Variants in SFTPD observed in about 807,000 individuals in gnomAD.
The protein encoded by SFTPD is surfactant protein D.
Under a neutral mutation model 34.6 loss-of-function variants are expected in SFTPD, and 18 were observed. The ratio of observed to expected loss-of-function variants is 0.52; its 90% CI spans 0.36 to 0.77. The LOEUF (loss-of-function observed/expected upper bound fraction) is 0.77. Among genes scored for constraint, SFTPD ranks in the 30% least tolerant of loss-of-function variants. The pLI, the probability that SFTPD is intolerant of heterozygous loss-of-function variation, is 0.00. For missense variants in SFTPD, 433 were observed against 468.9 expected, an observed-to-expected ratio of 0.92 and a Z score of 0.71; for synonymous variants, 155 against 180.9, an observed-to-expected ratio of 0.86 and a Z score of 1.15.
At chr10:79,942,665 A>G in intron 3 of SFTPD, 98 bp downstream of exon 3, 1 of 994,720 alleles carries the variant, frequency 1.0e-6, no homozygotes, top group African/African-American at 1.6e-5. Context: ...CCTTCAGACA[A>G]CCTTCTTCCT....
At chr10:79,940,994 A>G (rs1393080139) in intron 6 of SFTPD, among the ~76,000 whole-genome samples, 6 of 137,700 alleles carry the variant, frequency 4.4e-5, no homozygotes, top group Non-Finnish European at 9.1e-5. Flanking sequence ...CCTGTACTTC[A>G]CTGACACTGA....
Position 79,941,953 on chromosome 10 carries a change from C to T in SFTPD, c.550+1G>A. 1 of 1,599,124 alleles carries T rather than the reference C, an allele frequency of 6.3e-7. No individual in the cohort carries two copies. Among genetic ancestry groups the T allele is most frequent in the Non-Finnish European group, 8.6e-7 (1 of 1,166,976 alleles). On this transcript the variant is annotated splice_donor_variant, in intron 5 of 7. Coordinates refer to ENST00000372292, the MANE Select transcript of SFTPD (RefSeq NM_003019.5). LOFTEE classifies it high-confidence loss of function. ...CCAGCCCAGCTCTTTCCACTGCTCACCTGCTGCCCCTGTGTTTCCAGGGAC... is the reference window on the plus strand; with the variant it reads ...CCAGCCCAGCTCTTTCCACTGCTCATCTGCTGCCCCTGTGTTTCCAGGGAC...
At chr10:79,980,189 C>G (rs1010854681) in intron 1 of SFTPD, among the ~76,000 whole-genome samples, 1 of 152,082 alleles carries the variant, frequency 6.6e-6, no homozygotes, top group African/African-American at 2.4e-5. Flanking sequence ...TGCAACCCAG[C>G]ACATTCCCAG....
intron 1 of SFTPD, chr10:79,982,034 C>G (rs1842893842): frequency 3.3e-6 from 1 of 302,596 alleles, no homozygotes; most frequent in South Asian, 5.4e-5. Context: ...GCCGACTTCC[C>G]CTGGGGCGGC....
At chr10:79,972,738 T>G (rs1248336642) in intron 1 of SFTPD, 1 of 152,130 alleles carries the variant, frequency 6.6e-6, no homozygotes, top group Admixed American at 6.5e-5. Context: ...TCCTTGGAAG[T>G]CTGTACCACG....
At chr10:79,982,121 C>T in intron 1 of SFTPD, 2 of 324,320 alleles carry the variant, frequency 6.2e-6, no homozygotes, top group Admixed American at 5.2e-5. Context: ...GCGCTCGCTC[C>T]CGCCCTCCTG....
chr10:79,981,182 GAC>G (rs1842887873), intron 1 of SFTPD, among the ~76,000 whole-genome samples: 6 of 152,018 alleles, frequency 3.9e-5, no homozygotes, highest in African/African-American at 1.5e-4. Flanking sequence ...AAATTCAATT[GAC>G]ACACTGAAGA....
intron 1 of SFTPD, among the ~76,000 whole-genome samples, chr10:79,968,026 A>C: frequency 7.8e-6 from 1 of 128,362 alleles, no homozygotes; most frequent in Admixed American, 7.3e-5. Flanking sequence ...CTTATTGCTC[A>C]GAAAAAAAAA....
At chr10:79,963,404 T>A (rs1254898775) in intron 1 of SFTPD, among the ~76,000 whole-genome samples, 4 of 152,076 alleles carry the variant, frequency 2.6e-5, no homozygotes, top group Non-Finnish European at 5.9e-5. Flanking sequence ...ATATGCATTT[T>A]CATTTTAATA....
At chr10:79,940,661 G>T in intron 7 of SFTPD, 44 bp downstream of exon 7, 1 of 1,265,284 alleles carries the variant, frequency 7.9e-7, no homozygotes. Flanking sequence ...CTAGTGTGGG[G>T]CCCAATGCCA....
rs866241391 is a variant in SFTPD at position 79,965,714 on chromosome 10, C to T, written c.36+16861G>A. ...GTCATCTAGCATTAGGTATATCTCC[C>T]AATGCTATCCCTCCCCCCTCCCCCG... On this transcript the variant is annotated intron_variant, in intron 1 of 5. Coordinates refer to the SFTPD transcript ENST00000444384. 8.0e-4 allele frequency among the ~76,000 whole-genome samples: 75 copies of T among 93,458 alleles called. 2 individuals are homozygous for T. The highest frequency in any genetic ancestry group is 3.5e-3 in the African/African-American group (72 of 20,566). 61.3% of individuals were successfully genotyped at this position (93,458 alleles called of 152,430 possible).
chr10:79,954,286 A>T lies in SFTPD; in HGVS notation c.37-7624T>A, dbSNP rs938482164. Among the ~76,000 whole-genome samples, 5 of 152,200 alleles carry T rather than the reference A, an allele frequency of 3.3e-5. No individual in the cohort carries two copies. The East Asian group carries it at 9.6e-4, about 29-fold the overall frequency. On this transcript the variant is annotated intron_variant, in intron 1 of 5. Coordinates refer to the SFTPD transcript ENST00000444384. ...GCATTGGTGAGTCTGCATTTGTACA[A>T]GCAGCCAGATCAGAGATTCTGGGTA... is the stretch of plus-strand genomic sequence containing the variant.
At chr10:79,982,334 G>A (rs1200252470) in intron 1 of SFTPD, 2 of 966,022 alleles carry the variant, frequency 2.1e-6, no homozygotes, top group Non-Finnish European at 2.7e-6. Flanking sequence ...CGCCTCGGGC[G>A]GCGCTGCTGC....
chr10:79,972,349 A>AC (rs1360131607), intron 1 of SFTPD: 1 of 152,254 alleles, frequency 6.6e-6, no homozygotes, highest in Non-Finnish European at 1.5e-5. Context: ...AATACAAAAA[A>AC]TTAGCCAGGC....
chr10:79,978,651 C>CAAAAAA (rs58759979), intron 1 of SFTPD, among the ~76,000 whole-genome samples: 1 of 51,946 alleles, frequency 1.9e-5, no homozygotes, highest in Non-Finnish European at 3.4e-5. Flanking sequence ...CACCCTGTCT[C>CAAAAAA]AAAAAAAAAA....
intron 7 of SFTPD, among the ~76,000 whole-genome samples, chr10:79,939,352 G>A: frequency 6.6e-6 from 1 of 152,148 alleles, no homozygotes; most frequent in East Asian, 1.9e-4. Flanking sequence ...GATTCTCCAT[G>A]GGCTCAGGGT....
At chr10:79,974,203 T>C (rs77791884) in intron 1 of SFTPD, among the ~76,000 whole-genome samples, 8,144 of 152,286 alleles carry the variant, frequency 0.053, 547 homozygotes, top group East Asian at 0.39. Flanking sequence ...AGTCTTGCGC[T>C]GTTGCCCAGG....
At chr10:79,954,525 A>G (rs1227780828) in intron 1 of SFTPD, among the ~76,000 whole-genome samples, 4 of 151,998 alleles carry the variant, frequency 2.6e-5, no homozygotes, top group Non-Finnish European at 1.5e-5. Context: ...TATTTGGCTA[A>G]TTGTTGTAGT....
intron 1 of SFTPD, among the ~76,000 whole-genome samples, chr10:79,975,478 A>G (rs551199331): frequency 1.1e-4 from 16 of 152,268 alleles, no homozygotes; most frequent in African/African-American, 3.9e-4. Flanking sequence ...GATTGCTTTA[A>G]GAGTACTCAG....
Sources: gnomAD v4.1 joint callset for allele counts (sites outside exome capture counted in the v4.1 genomes callset) on GRCh38, gnomAD v4.1.1 for gene constraint, MANE v1.5 for transcripts, NCBI Gene and HGNC (gene_info 2026-07-23, HGNC 2026-07-21) for gene names.